KCNT1: variants seen among roughly 807,000 people sequenced by gnomAD.
The protein encoded by KCNT1 is potassium sodium-activated channel subfamily T member 1.
Under a neutral mutation model 147.8 loss-of-function variants are expected in KCNT1, and 78 were observed. That is an observed-to-expected ratio of 0.53 (90% CI 0.44 to 0.64). The LOEUF is 0.64. Ranked by LOEUF, KCNT1 falls within the 30% of genes least tolerant of loss-of-function variation. The pLI is 0.00. For synonymous variants in KCNT1, 867 were observed against 748.8 expected, an observed-to-expected ratio of 1.16 and a Z score of -2.58; for missense variants, 1,419 against 1,750.3, an observed-to-expected ratio of 0.81 and a Z score of 3.38.
intron 27 of KCNT1, 84 bp from the exon 28 acceptor site, chr9:135,785,226 T>C (rs938990728): frequency 6.3e-7 from 1 of 1,579,818 alleles, no homozygotes; most frequent in Non-Finnish European, 8.6e-7. Flanking sequence ...GCCCTAAGCA[T>C]GTTCCGTGCA....
chr9:135,768,522 G>C, intron 13 of KCNT1, 88 bp from the exon 14 acceptor site: 1 of 983,410 alleles, frequency 1.0e-6, no homozygotes, highest in Middle Eastern at 2.2e-4. Flanking sequence ...TCCTCCCAGA[G>C]GAGGTCCTCC....
At chr9:135,742,735 C>CCA in intron 2 of KCNT1, 1 of 717,464 alleles carries the variant, frequency 1.4e-6, no homozygotes, top group Non-Finnish European at 2.6e-6. Context: ...GTCCATCTGT[C>CCA]TCCCGCATTC....
At chr9:135,717,384 T>G (rs553571531) in intron 2 of KCNT1, among the ~76,000 whole-genome samples, 11 of 152,216 alleles carry the variant, frequency 7.2e-5, no homozygotes, top group South Asian at 6.2e-4. Flanking sequence ...TTCTCACCTC[T>G]GAGAGGAAGC....
intron 29 of KCNT1, chr9:135,789,366 A>C (rs1460883795): frequency 1.3e-5 from 2 of 152,304 alleles, no homozygotes; most frequent in Admixed American, 1.3e-4. Flanking sequence ...AGCGGAGCCT[A>C]GGCCAAGAGG....
In KCNT1 at chr9:135,753,044, AGATGGATGAGTGGATGGATAGAGGGATG is replaced by A. The variant is rs1205341016; in HGVS notation, c.435-873_435-846del. On this transcript the variant is annotated intron_variant, in intron 4 of 30. Transcript: ENST00000371757. ...TGGATGGATGGACAGATGAGTAGATAGATGGATGAGTGGATGGATAGAGGGATGGATGGATGAGTGGATGGATGGAGGA... is the reference window on the plus strand; with the variant it reads ...TGGATGGATGGACAGATGAGTAGATAGATGGATGAGTGGATGGATGGAGGA... 4.9e-5 allele frequency among the ~76,000 whole-genome samples: 6 copies of A among 123,218 alleles called. No individual in the cohort carries two copies. The East Asian group carries it at 6.8e-4, about 14-fold the overall frequency. 80.8% of individuals were successfully genotyped at this position (123,218 alleles called of 152,430 possible).
At chr9:135,762,170 C>T (rs895843788) in intron 11 of KCNT1, among the ~76,000 whole-genome samples, 2 of 152,200 alleles carry the variant, frequency 1.3e-5, no homozygotes, top group Non-Finnish European at 2.9e-5. Flanking sequence ...CAAGGCCAGG[C>T]GCAGGGCTCA....
At chr9:135,757,692 C>T (rs928691784) in intron 9 of KCNT1, among the ~76,000 whole-genome samples, 2 of 152,222 alleles carry the variant, frequency 1.3e-5, no homozygotes, top group Non-Finnish European at 2.9e-5. Context: ...ACCAGGGCCA[C>T]AAACACCAGG....
At chr9:135,709,135 T>C (rs80273672) in intron 1 of KCNT1, among the ~76,000 whole-genome samples, 2,468 of 152,316 alleles carry the variant, frequency 0.016, 98 homozygotes, top group East Asian at 0.14. Context: ...GGGGACAGTC[T>C]CTATATCACC....
chr9:135,724,944 TC>T (rs1219419733), intron 2 of KCNT1, among the ~76,000 whole-genome samples: 2 of 152,204 alleles, frequency 1.3e-5, no homozygotes, highest in East Asian at 3.9e-4. Flanking sequence ...GACAGGGTCT[TC>T]CCCCCATGAG....
chr9:135,774,723 G>T (rs559386249), intron 19 of KCNT1, among the ~76,000 whole-genome samples: 1 of 152,044 alleles, frequency 6.6e-6, no homozygotes. Context: ...ATTTCTGTGC[G>T]CATGTGTTGT....
intron 2 of KCNT1, among the ~76,000 whole-genome samples, chr9:135,727,960 A>G (rs1169336991): frequency 6.6e-6 from 1 of 152,266 alleles, no homozygotes; most frequent in African/African-American, 2.4e-5. Flanking sequence ...CGCAGTCACA[A>G]AGTCCTTAAA....
chr9:135,761,948 C>T (rs1327437529), intron 11 of KCNT1, among the ~76,000 whole-genome samples: 2 of 152,252 alleles, frequency 1.3e-5, no homozygotes, highest in Non-Finnish European at 2.9e-5. Context: ...CCCCCAGGGT[C>T]GCTTTCAAAT....
intron 2 of KCNT1, among the ~76,000 whole-genome samples, chr9:135,724,944 T>TC (rs1219419733): frequency 6.6e-6 from 1 of 152,086 alleles, no homozygotes. Context: ...GACAGGGTCT[T>TC]CCCCCCATGA....
At chr9:135,717,491 G>A (rs540055256) in intron 2 of KCNT1, among the ~76,000 whole-genome samples, 2 of 152,124 alleles carry the variant, frequency 1.3e-5, no homozygotes, top group African/African-American at 2.4e-5. Context: ...CAGCAGCTTT[G>A]CCTGGCTCCC....
chr9:135,727,826 C>T (rs1301786955), intron 2 of KCNT1, among the ~76,000 whole-genome samples: 2 of 152,310 alleles, frequency 1.3e-5, no homozygotes, highest in South Asian at 2.1e-4. Flanking sequence ...TCAGAGCAGC[C>T]GAAGGATGAC....
chr9:135,777,926 C>A (rs888197585), intron 21 of KCNT1, among the ~76,000 whole-genome samples: 3 of 150,580 alleles, frequency 2.0e-5, no homozygotes, highest in African/African-American at 7.4e-5. Context: ...TCCCTGCTCC[C>A]AGTTCCTCTG....
At position 135,768,259 on chromosome 9, in the gene KCNT1, ACTGGGATACCGGTGG is replaced by A. The variant is rs1832451145; in HGVS notation, c.1338-350_1338-336del. On this transcript the variant is annotated intron_variant, in intron 13 of 30. Coordinates refer to ENST00000371757, the MANE Select transcript of KCNT1 (RefSeq NM_020822.3). Reference sequence around the variant, plus strand: ...TGCCTGCGGGGGGGGGGGGGGGGGCACTGGGATACCGGTGGGGGGGGCACAGGGATGCCTGCTGGT... The same window carrying A: ...TGCCTGCGGGGGGGGGGGGGGGGGCAGGGGGGCACAGGGATGCCTGCTGGT... Among the ~76,000 whole-genome samples the A allele has an allele frequency of 4.1e-3, 6 of 1,466 alleles. 2 individuals are homozygous for A. Among genetic ancestry groups the A allele is most frequent in the Non-Finnish European group, 9.6e-3 (6 of 622 alleles). The allele number at this position is 1,466 out of a possible 152,430, so 1.0% of individuals were successfully genotyped here. A position where few individuals can be genotyped will look rare whatever the true frequency, so the allele number is the denominator to read the frequency against.
intron 5 of KCNT1, among the ~76,000 whole-genome samples, chr9:135,754,643 C>A (rs1310785744): frequency 6.6e-6 from 1 of 152,222 alleles, no homozygotes; most frequent in African/African-American, 2.4e-5. Flanking sequence ...GGATGAGGAA[C>A]TGAGACTCGG....
intron 29 of KCNT1, chr9:135,790,883 G>A (rs1426555356): frequency 6.6e-6 from 1 of 152,282 alleles, no homozygotes; most frequent in African/African-American, 2.4e-5. Flanking sequence ...TGAACCCAGG[G>A]CCACTGCTGG....
Sources: gnomAD v4.1 joint callset for allele counts (sites outside exome capture counted in the v4.1 genomes callset) on GRCh38, gnomAD v4.1.1 for gene constraint, MANE v1.5 for transcripts, NCBI Gene and HGNC (gene_info 2026-07-23, HGNC 2026-07-21) for gene names.